CFAP47: variants seen among roughly 807,000 people sequenced by gnomAD.
CFAP47 encodes cilia- and flagella-associated protein 47.
In CFAP47, 29 loss-of-function variants were observed where a neutral mutation model predicts 148.1. The observed-to-expected ratio is 0.20, with a 90% confidence interval of 0.15 to 0.27. The LOEUF is 0.27. Among genes scored for constraint, CFAP47 ranks in the 10% least tolerant of loss-of-function variants. The pLI, the probability that CFAP47 is intolerant of heterozygous loss-of-function variation, is 1.00. For synonymous variants in CFAP47, 664 were observed against 577.3 expected (o/e 1.15, Z -2.15); for missense variants, 1,872 against 1,697.5 (o/e 1.10, Z -1.81).
chrX:36,243,647 G>GTA (rs58640112), intron 48 of CFAP47, among the ~76,000 whole-genome samples: 2,561 of 63,661 alleles, frequency 0.04, 64 homozygotes, highest in Non-Finnish European at 0.061. Context: ...ATATGTGTGT[G>GTA]TATATATATA....
intron 51 of CFAP47, among the ~76,000 whole-genome samples, chrX:36,289,858 C>T (rs1304361496): frequency 9.0e-6 from 1 of 111,583 alleles, no homozygotes; most frequent in Admixed American, 9.5e-5. Context: ...GACTCAAGGC[C>T]GTGCCTAGAG....
intron 62 of CFAP47, among the ~76,000 whole-genome samples, chrX:36,373,726 T>C (rs1556022370): frequency 8.9e-6 from 1 of 111,897 alleles, no homozygotes; most frequent in Non-Finnish European, 1.9e-5. Flanking sequence ...AAATGACCTT[T>C]ATCATGGAGA....
intron 30 of CFAP47, among the ~76,000 whole-genome samples, chrX:36,098,557 T>A (rs766331793): frequency 7.2e-5 from 8 of 111,553 alleles, no homozygotes; most frequent in Non-Finnish European, 1.5e-4. Context: ...GTGGCTGAGC[T>A]GGCACTCAAA....
chrX:36,207,081 A>G (rs1232572674), intron 45 of CFAP47, among the ~76,000 whole-genome samples: 3 of 112,077 alleles, frequency 2.7e-5, no homozygotes, highest in Non-Finnish European at 3.8e-5. Context: ...AATAAAAGGC[A>G]TGCCCTAAAC....
At chrX:36,010,115 T>C (rs1937022557) in intron 21 of CFAP47, among the ~76,000 whole-genome samples, 1 of 111,590 alleles carries the variant, frequency 9.0e-6, no homozygotes, top group Non-Finnish European at 1.9e-5. Context: ...AAAAACGTCA[T>C]TAGAAAAAAT....
chrX:36,094,764 T>C (rs1938245115), intron 30 of CFAP47, among the ~76,000 whole-genome samples: 1 of 111,732 alleles, frequency 8.9e-6, no homozygotes, highest in Non-Finnish European at 1.9e-5. Context: ...TTATTTCTAA[T>C]AGGTTTTTTT....
intron 27 of CFAP47, among the ~76,000 whole-genome samples, chrX:36,066,290 G>T (rs1937639025): frequency 9.0e-6 from 1 of 110,801 alleles, no homozygotes; most frequent in Admixed American, 9.6e-5. Flanking sequence ...TCCCATCTGT[G>T]TAGATCGTCA....
At chrX:36,191,477 A>C (rs1197299394) in intron 42 of CFAP47, among the ~76,000 whole-genome samples, 1 of 111,941 alleles carries the variant, frequency 8.9e-6, no homozygotes, top group African/African-American at 3.2e-5. Flanking sequence ...AAACATTAAA[A>C]TAAAACAACA....
In CFAP47 at chrX:36,175,558, G is replaced by A. The variant is rs770018575; in HGVS notation, c.6027-3787G>A. Among the ~76,000 whole-genome samples, 220 of 111,809 alleles carry A rather than the reference G, an allele frequency of 2.0e-3. 1 individual carries two copies. The highest frequency in any genetic ancestry group is 3.0e-3 in the Non-Finnish European group (162 of 53,166). On this transcript the variant is annotated intron_variant, in intron 39 of 63. Transcript: ENST00000378653. ...TGCAGGTCTGTTGGAGTACCCGGCC[G>A]TGTGAAGTGTCAGTCTGCCCCTGCT...
intron 36 of CFAP47, among the ~76,000 whole-genome samples, chrX:36,146,740 T>C (rs1473621526): frequency 9.1e-6 from 1 of 110,373 alleles, no homozygotes; most frequent in African/African-American, 3.3e-5. Context: ...TAGCAAAATC[T>C]CCAGAAATGG....
intron 3 of CFAP47, among the ~76,000 whole-genome samples, chrX:35,947,443 G>A (rs769182519): frequency 2.8e-4 from 31 of 109,297 alleles, no homozygotes; most frequent in Non-Finnish European, 5.7e-4. Context: ...CCAAAGTCAA[G>A]GGGCTTGATC....
intron 46 of CFAP47, among the ~76,000 whole-genome samples, chrX:36,234,267 T>G (rs1940418575): frequency 9.0e-6 from 1 of 110,934 alleles, no homozygotes; most frequent in African/African-American, 3.3e-5. Context: ...AGATGTAGAT[T>G]TGGTCTTTTC....
At chrX:36,190,536 G>T (rs183866089) in intron 42 of CFAP47, among the ~76,000 whole-genome samples, 1 of 112,383 alleles carries the variant, frequency 8.9e-6, no homozygotes, top group East Asian at 2.8e-4. Flanking sequence ...CACAGGTCCA[G>T]ATATGACCTA....
chrX:36,365,130 A>T (rs1941863523), intron 61 of CFAP47, among the ~76,000 whole-genome samples: 1 of 108,311 alleles, frequency 9.2e-6, no homozygotes, highest in African/African-American at 3.3e-5. Context: ...AATGGTCTTG[A>T]AATAGTGGGA....
chrX:36,096,903 C>T, intron 30 of CFAP47, among the ~76,000 whole-genome samples: 1 of 111,025 alleles, frequency 9.0e-6, no homozygotes, highest in Non-Finnish European at 1.9e-5. Flanking sequence ...CTCATTGTCT[C>T]CTCTTTCTTC....
At chrX:36,013,985 A>G (rs1255892373) in intron 21 of CFAP47, among the ~76,000 whole-genome samples, 1 of 112,141 alleles carries the variant, frequency 8.9e-6, no homozygotes, top group Non-Finnish European at 1.9e-5. Flanking sequence ...CCTGAGCTTT[A>G]TGTGAAATAT....
At chrX:36,095,916 C>A (rs2146787948) in intron 30 of CFAP47, among the ~76,000 whole-genome samples, 1 of 111,004 alleles carries the variant, frequency 9.0e-6, no homozygotes, top group South Asian at 3.7e-4. Context: ...CTTGCTCTTG[C>A]TTTTCTCTTT....
intron 29 of CFAP47, among the ~76,000 whole-genome samples, chrX:36,077,235 A>C (rs1208136086): frequency 2.8e-5 from 1 of 35,348 alleles, no homozygotes; most frequent in African/African-American, 1.2e-4. Flanking sequence ...CTCAGGAGTC[A>C]TTCGGTTATT....
chrX:36,219,921 C>T (rs782253873), intron 45 of CFAP47, among the ~76,000 whole-genome samples: 2 of 111,494 alleles, frequency 1.8e-5, no homozygotes, highest in African/African-American at 3.3e-5. Flanking sequence ...TGTCACATCA[C>T]GGGTGTGCAT....
Sources: allele counts gnomAD v4.1 joint callset (sites outside exome capture counted in the v4.1 genomes callset), GRCh38; gene constraint gnomAD v4.1.1; transcripts MANE v1.5; gene names NCBI Gene and HGNC (gene_info 2026-07-23, HGNC 2026-07-21).